The following CNOT1 variants were observed in gnomAD, a reference collection of about 807,000 sequenced individuals.
CNOT1 encodes the protein CCR4-associated factor 1.
A neutral mutation model predicts 273.8 loss-of-function variants in CNOT1; 15 were observed. The observed-to-expected ratio is 0.05, with a 90% CI of 0.04 to 0.08. The LOEUF (loss-of-function observed/expected upper bound fraction) is 0.08, where lower values mean the gene tolerates loss of function less well. Among genes scored for constraint, CNOT1 ranks in the 10% least tolerant of loss-of-function variants. CNOT1 has a pLI of 1.00. For missense variants in CNOT1, 1,644 were observed against 2,912.2 expected, an observed-to-expected ratio of 0.56 and a Z score of 10.02; for synonymous variants, 1,022 against 1,005.5, an observed-to-expected ratio of 1.02 and a Z score of -0.31.
intron 1 of CNOT1, among the ~76,000 whole-genome samples, chr16:58,611,820 CAA>C (rs10615992): frequency 0.6 from 83,627 of 140,428 alleles, 24,321 homozygotes; most frequent in Middle Eastern, 0.65. Flanking sequence ...GACTCTGTCT[CAA>C]AAAAAAAAAA....
At chr16:58,531,310 G>C (rs971902883) in intron 42 of CNOT1, among the ~76,000 whole-genome samples, 12 of 152,084 alleles carry the variant, frequency 7.9e-5, no homozygotes, top group Non-Finnish European at 4.4e-5. Flanking sequence ...CTGATCTGAG[G>C]GGCCAAAGAA....
At chr16:58,564,804 C>T (rs998003212) in intron 16 of CNOT1, among the ~76,000 whole-genome samples, 7 of 151,934 alleles carry the variant, frequency 4.6e-5, no homozygotes, top group East Asian at 1.9e-4. Context: ...GCAGTGGTGG[C>T]GCGCACCTGT....
rs777709396 is a variant in CNOT1 at position 58,543,454 on chromosome 16, A to G, written c.4434+153T>C. 1.0e-5 allele frequency: 15 copies of G among 1,498,560 alleles called. No individual in the cohort carries two copies. In the South Asian group the frequency reaches 1.7e-4, roughly 17 times the overall value. The allele number at this position is 1,498,560 out of a possible 1,614,324, so 92.8% of individuals were successfully genotyped here. A position where few individuals can be genotyped will look rare whatever the true frequency, so the allele number is the denominator to read the frequency against. On this transcript the variant is annotated intron_variant, in intron 31 of 48. Coordinates refer to ENST00000317147, the MANE Select transcript of CNOT1 (RefSeq NM_016284.5). ...CAGACATGATGCTTTGCCTCACAGA[A>G]TTACAATCTAAAATGATGGAAGACA...
intron 34 of CNOT1, among the ~76,000 whole-genome samples, chr16:58,540,805 T>TATC (rs1305436911): frequency 6.6e-6 from 1 of 151,976 alleles, no homozygotes; most frequent in Non-Finnish European, 1.5e-5. Flanking sequence ...GCGATGGGGG[T>TATC]ATCAGGTCAG....
At chr16:58,523,343 C>T (rs1179229914) in intron 47 of CNOT1, 27 bp downstream of exon 47, 3 of 1,553,450 alleles carry the variant, frequency 1.9e-6, no homozygotes, top group Non-Finnish European at 2.6e-6. Flanking sequence ...CCTTTTGAAG[C>T]ATTTAAAAAA....
intron 38 of CNOT1, 42 bp from the exon 39 acceptor site, chr16:58,537,262 T>G: frequency 2.0e-6 from 3 of 1,531,106 alleles, no homozygotes; most frequent in Non-Finnish European, 2.6e-6. Flanking sequence ...CTCCTCGTAG[T>G]TGTGATTTTA....
intron 1 of CNOT1, among the ~76,000 whole-genome samples, chr16:58,614,998 G>T (rs1456978577): frequency 8.8e-6 from 1 of 113,592 alleles, no homozygotes; most frequent in Non-Finnish European, 2.1e-5. Context: ...ATCAGCCACA[G>T]CACTGGGCCT....
intron 14 of CNOT1, 64 bp downstream of exon 14, chr16:58,576,399 C>T: frequency 1.2e-6 from 2 of 1,604,084 alleles, no homozygotes; most frequent in Non-Finnish European, 8.5e-7. Context: ...GCATGAGCCA[C>T]CGCGCCCGGC....
chr16:58,537,548 A>C (rs998419783), intron 38 of CNOT1, among the ~76,000 whole-genome samples: 2 of 152,338 alleles, frequency 1.3e-5, no homozygotes, highest in Admixed American at 6.5e-5. Flanking sequence ...GATTTCCAAT[A>C]GTTCTTTGAG....
At chr16:58,592,093 T>A (rs2042081561) in intron 2 of CNOT1, among the ~76,000 whole-genome samples, 1 of 152,206 alleles carries the variant, frequency 6.6e-6, no homozygotes, top group Non-Finnish European at 1.5e-5. Context: ...TAATACAATT[T>A]TTTAATTATT....
At chr16:58,592,413 A>G (rs113915922) in intron 2 of CNOT1, among the ~76,000 whole-genome samples, 27 of 152,322 alleles carry the variant, frequency 1.8e-4, no homozygotes, top group African/African-American at 6.3e-4. Context: ...GTTAAATTAG[A>G]AAGTTATTAT....
At position 58,534,237 on chromosome 16, in the gene CNOT1, G is replaced by C; in HGVS notation, c.5805C>G (p.Asn1935Lys). 1 of 1,614,200 alleles carries C rather than the reference G, an allele frequency of 6.2e-7. No homozygotes were observed. The highest frequency in any genetic ancestry group is 8.5e-7 in the Non-Finnish European group (1 of 1,180,036). ...CAATGAGTCGAACAAAGGCATCCAG[G>C]TTGTGATAGCACTTGGCTCGGATCA... ...PTMIRAKCYH[N>K]LDAFVRLIAL... Residue 1935 changes from asparagine (N) to lysine (K), a missense_variant, in exon 40 of 49, where the codon AAC becomes AAG. By Grantham distance (94) the Asn-to-Lys change is moderately conservative. Transcript: ENST00000317147.
chr16:58,543,162 A>C, intron 31 of CNOT1: 1 of 1,417,672 alleles, frequency 7.1e-7, no homozygotes, highest in East Asian at 2.9e-5. Context: ...ATTATTAATC[A>C]TGATACCTGA....
intron 1 of CNOT1, among the ~76,000 whole-genome samples, chr16:58,605,260 T>C (rs1187634309): frequency 1.3e-5 from 2 of 152,122 alleles, no homozygotes; most frequent in Non-Finnish European, 2.9e-5. Flanking sequence ...CCCAGCACTT[T>C]GGGAGGCTGA....
chr16:58,532,366 A>G lies in CNOT1; in HGVS notation c.5925T>C (p.Leu1975=), dbSNP rs2039797232. 2 of 1,614,178 alleles carry G rather than the reference A, an allele frequency of 1.2e-6. No homozygotes were observed. The highest frequency in any genetic ancestry group is 4.5e-5 in the East Asian group (2 of 44,876). Residue 1975 remains leucine (L), a synonymous_variant, in exon 41 of 49, where the codon CTT becomes CTC. Coordinates refer to ENST00000317147, the MANE Select transcript of CNOT1 (RefSeq NM_016284.5). The part of the protein sequence containing the change: ...KVLGIVVGVL[L]QDHDVRQSEF... ...CACTCTGACGAACATCATGATCCTG[A>G]AGGAGAACTCCCACTACTATACCAA...
intron 2 of CNOT1, 117 bp from the exon 3 acceptor site, chr16:58,589,023 AT>A (rs2041965499): frequency 5.5e-6 from 7 of 1,272,318 alleles, no homozygotes; most frequent in Non-Finnish European, 7.5e-6. Flanking sequence ...TTAGTTACTC[AT>A]TTTTGAATTA....
intron 1 of CNOT1, among the ~76,000 whole-genome samples, chr16:58,610,874 A>T (rs2042874216): frequency 6.6e-6 from 1 of 151,272 alleles, no homozygotes; most frequent in Admixed American, 6.6e-5. Flanking sequence ...AACAAAACAA[A>T]AAATACAAAA....
Position 58,543,905 on chromosome 16 carries a change from TGG to T in CNOT1, c.4138-4_4138-3del. The T allele has an allele frequency of 6.3e-7, 1 of 1,593,548 alleles. No homozygotes were observed. The highest frequency in any genetic ancestry group is 1.7e-4 in the Middle Eastern group (1 of 5,936). The stretch of plus-strand genomic sequence containing the variant: ...TGGATGGGCCTGAAACAAGGGAATC[TGG>T]GGGGTTGGGGAGGACAAAGTCAACA... On this transcript the variant is annotated splice_polypyrimidine_tract_variant and splice_region_variant and intron_variant, in intron 30 of 48. Coordinates refer to ENST00000317147, the MANE Select transcript of CNOT1 (RefSeq NM_016284.5).
At position 58,551,731 on chromosome 16, in the gene CNOT1, G is replaced by A; in HGVS notation, c.3059C>T (p.Ala1020Val). The A allele has an allele frequency of 6.2e-7, 1 of 1,614,192 alleles. No individual in the cohort carries two copies. Among genetic ancestry groups the A allele is most frequent in the Non-Finnish European group, 8.5e-7 (1 of 1,180,032 alleles). Reference protein sequence around the residue: ...TTPGSIALAQAQAQAQVPAKA... With the variant: ...TTPGSIALAQVQAQAQVPAKA... ...TGCTGGAACCTGGGCCTGAGCCTGG[G>A]CCTGAGCCAGTGCAATACTTCCAGG... Residue 1020 changes from alanine (A) to valine (V), a missense_variant, in exon 23 of 49, where the codon GCC becomes GTC. Around this residue, in one of 13 missense-constraint regions of CNOT1, gnomAD observed 77 missense variants for 90.5 expected, o/e 0.85. Transcript: ENST00000317147.
Sources: allele counts gnomAD v4.1 joint callset (sites outside exome capture counted in the v4.1 genomes callset), GRCh38; gene constraint gnomAD v4.1.1; regional missense constraint gnomAD v4.1.1; transcripts MANE v1.5; gene names NCBI Gene and HGNC (gene_info 2026-07-23, HGNC 2026-07-21).